The following BBS2 variants were observed in gnomAD, a reference collection of about 807,000 sequenced individuals.
BBS2 encodes Bardet-Biedl syndrome 2, also known as BBSome complex member BBS2.
A neutral mutation model predicts 83.0 loss-of-function variants in BBS2; 62 were observed. The ratio of observed to expected loss-of-function variants is 0.75; its 90% CI spans 0.61 to 0.92. The LOEUF is 0.92. BBS2 is among the 40% of genes least tolerant of loss of function. The pLI is 0.00. For missense variants in BBS2, 784 were observed against 901.0 expected, an observed-to-expected ratio of 0.87 and a Z score of 1.66; for synonymous variants, 303 against 326.1, an observed-to-expected ratio of 0.93 and a Z score of 0.76.
chr16:56,511,345 T>C (rs182927336), intron 2 of BBS2, 61 bp from the exon 3 acceptor site: 38 of 1,605,552 alleles, frequency 2.4e-5, no homozygotes, highest in Admixed American at 1.8e-4. Context: ...CACATATTAA[T>C]TGGGCCAAAT....
In BBS2 at chr16:56,518,806, C is replaced by A. The variant is rs771387677; in HGVS notation, c.117+940G>T. The stretch of plus-strand genomic sequence containing the variant: ...TGAAAGTAGGGACTCCTTTTACATC[C>A]GAGTCTCCAAAATCTATACAGAAGG... On this transcript the variant is annotated intron_variant, in intron 1 of 16. Transcript: ENST00000245157. Among the ~76,000 whole-genome samples the A allele has an allele frequency of 2.0e-5, 3 of 152,260 alleles. No individual in the cohort carries two copies. In the South Asian group the frequency reaches 6.2e-4, roughly 32 times the overall value.
chr16:56,499,790 T>C lies in BBS2; in HGVS notation c.1515A>G (p.Glu505=). The change falls in exon 12 of 17, where the codon GAA becomes GAG. Residue 505 remains glutamate (E), a synonymous_variant. Transcript: ENST00000245157. ...PISYVNFTIA[E]RAQRVVVWLG... ...GCGAGATACTCACCCTCTGTGCCCG[T>C]TCTGCAATGGTAAAGTTAACATAAC... 3 of 1,614,162 alleles carry C rather than the reference T, an allele frequency of 1.9e-6. No individual in the cohort carries two copies. In the African/African-American group the frequency reaches 4.0e-5, roughly 22 times the overall value.
At chr16:56,516,746 T>A (rs1017455629) in intron 1 of BBS2, among the ~76,000 whole-genome samples, 1 of 152,156 alleles carries the variant, frequency 6.6e-6, no homozygotes, top group Admixed American at 6.5e-5. Flanking sequence ...CAGCTCCATG[T>A]TCACAACAGG....
chr16:56,476,421 C>CA, intron 17 of BBS2: 1 of 286,868 alleles, frequency 3.5e-6, no homozygotes, highest in Non-Finnish European at 6.3e-6. Context: ...AAAAAGTTGG[C>CA]TTTTTTTTTT....
At chr16:56,517,416 C>A (rs1964782228) in intron 1 of BBS2, among the ~76,000 whole-genome samples, 1 of 152,258 alleles carries the variant, frequency 6.6e-6, no homozygotes, top group Admixed American at 6.5e-5. Flanking sequence ...GCCCTTGCAC[C>A]TGCAGATCCC....
At position 56,497,821 on chromosome 16, in the gene BBS2, T is replaced by C. The variant is rs550499596; in HGVS notation, c.1719A>G (p.Ser573=). 1.2e-6 allele frequency: 2 copies of C among 1,613,012 alleles called. No homozygotes were observed. The highest frequency in any genetic ancestry group is 2.2e-5 in the East Asian group (1 of 44,790). The part of the protein sequence containing the change: ...LAGDIIQSMA[S]FFAIEDLQVE... ...CTTGAAGGTCTTCAATAGCAAAAAATGATGCCATTGACTGGATGATATCAC... is the reference window on the plus strand; with the variant it reads ...CTTGAAGGTCTTCAATAGCAAAAAACGATGCCATTGACTGGATGATATCAC... The change falls in exon 14 of 17, where the codon TCA becomes TCG. Residue 573 remains serine (S), a synonymous_variant. Coordinates refer to ENST00000245157, the MANE Select transcript of BBS2 (RefSeq NM_031885.5).
chr16:56,506,190 C>G lies in BBS2; in HGVS notation c.647G>C (p.Arg216Pro), dbSNP rs374487957. The change falls in exon 6 of 17, where the codon CGA (arginine) becomes CCA (proline). Residue 216 changes from arginine (R) to proline (P), a missense_variant. Coordinates refer to ENST00000245157, the MANE Select transcript of BBS2 (RefSeq NM_031885.5). ...VTSLCPMYGS[R>P]FGYALSNGTV... The stretch of plus-strand genomic sequence containing the variant: ...GCCATTGGAAAGGGCATAACCAAAT[C>G]GACTGCCATACATGGGACAAAGAGA... 4.3e-6 allele frequency: 7 copies of G among 1,613,972 alleles called. No homozygotes were observed. Among genetic ancestry groups the G allele is most frequent in the Non-Finnish European group, 5.9e-6 (7 of 1,179,914 alleles).
At chr16:56,511,406 T>C in intron 2 of BBS2, 122 bp from the exon 3 acceptor site, 2 of 1,368,056 alleles carry the variant, frequency 1.5e-6, no homozygotes, top group Non-Finnish European at 2.1e-6. Context: ...ATCCATAATG[T>C]GGGTGGGCCT....
Position 56,502,431 on chromosome 16 carries a change from A to C in BBS2, c.966T>G (p.Ala322=). 1.9e-6 allele frequency: 3 copies of C among 1,614,228 alleles called. No homozygotes were observed. In the African/African-American group the frequency reaches 4.0e-5, roughly 22 times the overall value. ...GEIRGYLPGT[A]EMRGNLMDTS... ...TGTCCATGAGGTTGCCCCTCATCTC[A>C]GCCGTGCCAGGCAGGTAGCCCCGGA... The change falls in exon 9 of 17, where the codon GCT becomes GCG. Residue 322 remains alanine, a synonymous_variant. Coordinates refer to ENST00000245157, the MANE Select transcript of BBS2 (RefSeq NM_031885.5).
At position 56,487,194 on chromosome 16, in the gene BBS2, T is replaced by TA. The variant is rs574194498; in HGVS notation, c.1911-1457dup. Among the ~76,000 whole-genome samples the TA allele has an allele frequency of 4.4e-3, 648 of 146,848 alleles. 9 individuals are homozygous for TA. Among genetic ancestry groups the TA allele is most frequent in the Non-Finnish European group, 3.1e-3 (203 of 66,248 alleles). Reference sequence around the variant, plus strand: ...GAGTTATATATCAATTAATTTGATTTAAAAAAAAAAACAAATGTTGACATT... The same window carrying TA: ...GAGTTATATATCAATTAATTTGATTTAAAAAAAAAAAACAAATGTTGACATT... On this transcript the variant is annotated intron_variant, in intron 15 of 16. Coordinates refer to ENST00000245157, the MANE Select transcript of BBS2 (RefSeq NM_031885.5).
At chr16:56,498,128 T>G (rs1964164174) in intron 13 of BBS2, among the ~76,000 whole-genome samples, 5 of 152,200 alleles carry the variant, frequency 3.3e-5, no homozygotes, top group Admixed American at 2.0e-4. Flanking sequence ...AAAATGTTTT[T>G]GTTGACCTCT....
rs1203892041 is a variant in BBS2 at position 56,499,345 on chromosome 16, A to G, written c.1527+433T>C. 9 of 255,426 alleles carry G rather than the reference A, an allele frequency of 3.5e-5. No individual in the cohort carries two copies. The Admixed American group carries it at 4.6e-4, about 13-fold the overall frequency. The allele number at this position is 255,426 out of a possible 1,614,324, so 15.8% of individuals were successfully genotyped here. ...GGGTAAGATTATCCTTACTTATTAG[A>G]TAAGAAAACTGAGGCTCACACTGGT... On this transcript the variant is annotated intron_variant, in intron 12 of 16. Transcript: ENST00000245157.
At position 56,519,511 on chromosome 16, in the gene BBS2, G is replaced by A; in HGVS notation, c.117+235C>T. The stretch of plus-strand genomic sequence containing the variant: ...TAAGCTCCCTATGTCCAGGGACCCC[G>A]ACCTCGCCTGACTCCAAGTGCCTGA... On this transcript the variant is annotated intron_variant, in intron 1 of 16. Coordinates refer to ENST00000245157, the MANE Select transcript of BBS2 (RefSeq NM_031885.5). 5.5e-6 allele frequency: 3 copies of A among 541,332 alleles called. No individual in the cohort carries two copies. In the South Asian group the frequency reaches 6.5e-5, roughly 12 times the overall value. 33.5% of individuals were successfully genotyped at this position (541,332 alleles called of 1,614,324 possible).
chr16:56,515,508 A>T (rs139032362), intron 1 of BBS2, among the ~76,000 whole-genome samples: 5 of 152,322 alleles, frequency 3.3e-5, no homozygotes, highest in African/African-American at 1.2e-4. Flanking sequence ...GGTCTAAAAA[A>T]GTTCCAAGGT....
downstream of BBS2, among the ~76,000 whole-genome samples, chr16:56,479,875 G>T (rs1382305920): frequency 3.9e-5 from 6 of 152,212 alleles, no homozygotes; most frequent in African/African-American, 1.2e-4. Context: ...GAAGCAACAA[G>T]AACGGACAGA....
intron 7 of BBS2, 120 bp downstream of exon 7, chr16:56,505,830 A>C (rs905332405): frequency 1.0e-5 from 8 of 774,090 alleles, no homozygotes; most frequent in Non-Finnish European, 1.8e-5. Context: ...AAATGTAAAA[A>C]CATTGCCAAG....
chr16:56,475,644 C>A, intron 17 of BBS2: 1 of 1,160,958 alleles, frequency 8.6e-7, no homozygotes, highest in Non-Finnish European at 1.3e-6. Flanking sequence ...ATTTTTATGA[C>A]CTTCTACCAG....
Position 56,487,618 on chromosome 16 carries a change from T to C in BBS2, c.1911-1880A>G, listed in dbSNP as rs558744940. Among the ~76,000 whole-genome samples the C allele has an allele frequency of 2.4e-4, 36 of 152,228 alleles. No individual in the cohort carries two copies. In the South Asian group the frequency reaches 7.3e-3, roughly 31 times the overall value. Reference sequence around the variant, plus strand: ...ACACAAAACATGGCTTAAGCAAATATAAAGACATAGCATGTTCTTAGCTAG... The same window carrying C: ...ACACAAAACATGGCTTAAGCAAATACAAAGACATAGCATGTTCTTAGCTAG... On this transcript the variant is annotated intron_variant, in intron 15 of 16. Transcript: ENST00000245157.
chr16:56,503,951 G>C (rs1230503767), intron 7 of BBS2, among the ~76,000 whole-genome samples: 1 of 151,908 alleles, frequency 6.6e-6, no homozygotes, highest in African/African-American at 2.4e-5. Context: ...TATGTTCCAG[G>C]CAAGGACACA....
Sources: allele counts gnomAD v4.1 joint callset (sites outside exome capture counted in the v4.1 genomes callset), GRCh38; gene constraint gnomAD v4.1.1; transcripts MANE v1.5; gene names NCBI Gene and HGNC (gene_info 2026-07-23, HGNC 2026-07-21).